AFG3L2: variants seen among roughly 807,000 people sequenced by gnomAD.
The protein encoded by AFG3L2 is AFG3 like matrix AAA peptidase subunit 2.
Under a neutral mutation model 94.5 loss-of-function variants are expected in AFG3L2, and 54 were observed. The ratio of observed to expected loss-of-function variants is 0.57; its 90% CI spans 0.46 to 0.72. The LOEUF is 0.72. AFG3L2 is among the 30% of genes least tolerant of loss of function. The probability of loss-of-function intolerance (pLI) is 0.00; values close to 1 mark genes in which losing one functional copy is unlikely to be tolerated. For missense variants in AFG3L2, 754 were observed against 994.9 expected (o/e 0.76, Z 3.26); for synonymous variants, 377 against 365.5 (o/e 1.03, Z -0.36).
Position 12,329,374 on chromosome 18 carries a change from C to T in AFG3L2, c.*191G>A, listed in dbSNP as rs925546906. 1.2e-5 allele frequency: 8 copies of T among 688,380 alleles called. No homozygotes were observed. The highest frequency in any genetic ancestry group is 2.7e-5 in the East Asian group (1 of 37,096). 42.6% of individuals were successfully genotyped at this position (688,380 alleles called of 1,614,324 possible). On this transcript the variant is annotated 3_prime_UTR_variant, in exon 17 of 17. Transcript: ENST00000269143. Reference sequence around the variant, plus strand: ...CAGTGTGCATTTCCCTCAAGGCCTCCGGAAAGTCACCTGCCACCCACTGTG... The same window carrying T: ...CAGTGTGCATTTCCCTCAAGGCCTCTGGAAAGTCACCTGCCACCCACTGTG...
intron 13 of AFG3L2, among the ~76,000 whole-genome samples, chr18:12,344,485 G>A (rs527568860): frequency 6.6e-5 from 10 of 151,976 alleles, no homozygotes; most frequent in Non-Finnish European, 8.8e-5. Context: ...GACCAGCCTG[G>A]CCAACATGGT....
At chr18:12,368,937 C>T (rs1341334402) in intron 3 of AFG3L2, among the ~76,000 whole-genome samples, 1 of 152,074 alleles carries the variant, frequency 6.6e-6, no homozygotes, top group African/African-American at 2.4e-5. Flanking sequence ...GACCATGAAG[C>T]AACCCCTCTA....
rs1265512308 is a variant in AFG3L2, at chr18:12,376,973, C to A, written c.110G>T (p.Arg37Leu). The A allele has an allele frequency of 1.4e-6, 2 of 1,456,960 alleles. No homozygotes were observed. The highest frequency in any genetic ancestry group is 1.5e-5 in the African/African-American group (1 of 67,836). The allele number at this position is 1,456,960 out of a possible 1,614,324, so 90.3% of individuals were successfully genotyped here. Residue 37 changes from arginine to leucine, a missense_variant, in exon 1 of 17, where the codon CGG (arginine) becomes CTG (leucine). By Grantham distance (102) the Arg-to-Leu change is moderately radical. Coordinates refer to ENST00000269143, the MANE Select transcript of AFG3L2 (RefSeq NM_006796.3). Reference sequence around the variant, plus strand: ...GGGCGCCCAGGTAGGACTCACCGTCCGGAGGCAGGGCTGCTCGCCCGGGCC... The same window carrying A: ...GGGCGCCCAGGTAGGACTCACCGTCAGGAGGCAGGGCTGCTCGCCCGGGCC... Reference protein sequence around the residue: ...GVGPGEQPCLRTLYRFVTTQA... With the variant: ...GVGPGEQPCLLTLYRFVTTQA...
At chr18:12,345,160 G>C (rs1908093603) in intron 13 of AFG3L2, among the ~76,000 whole-genome samples, 1 of 152,210 alleles carries the variant, frequency 6.6e-6, no homozygotes, top group Non-Finnish European at 1.5e-5. Context: ...CTATGGCTCA[G>C]AGCAAGCCAC....
chr18:12,346,147 C>G (rs1908128112), intron 13 of AFG3L2, among the ~76,000 whole-genome samples: 1 of 152,204 alleles, frequency 6.6e-6, no homozygotes, highest in African/African-American at 2.4e-5. Context: ...ACTGGCACAT[C>G]TTCCTCGCTT....
intron 16 of AFG3L2, among the ~76,000 whole-genome samples, chr18:12,333,001 A>C (rs1425631745): frequency 1.2e-4 from 5 of 43,044 alleles, no homozygotes; most frequent in African/African-American, 2.4e-4. Context: ...TATAAATTAT[A>C]TATAATATAA....
At chr18:12,365,871 C>CTCT (rs1555672910) in intron 5 of AFG3L2, among the ~76,000 whole-genome samples, 5 of 113,836 alleles carry the variant, frequency 4.4e-5, no homozygotes, top group African/African-American at 1.8e-4. Context: ...TGCATCAATT[C>CTCT]TTTTTTTTTT....
At chr18:12,334,908 T>C (rs1219993569) in intron 16 of AFG3L2, among the ~76,000 whole-genome samples, 1 of 152,236 alleles carries the variant, frequency 6.6e-6, no homozygotes, top group African/African-American at 2.4e-5. Flanking sequence ...GCTGTGTGCC[T>C]CAACTTTCTA....
intron 13 of AFG3L2, among the ~76,000 whole-genome samples, chr18:12,345,278 G>A (rs537279248): frequency 2.6e-4 from 39 of 152,346 alleles, no homozygotes; most frequent in South Asian, 1.9e-3. Flanking sequence ...TAGTCTGAGC[G>A]TGATTCTTCT....
chr18:12,348,257 T>C lies in AFG3L2; in HGVS notation c.1663+16A>G, dbSNP rs1400211799. The C allele has an allele frequency of 2.5e-6, 4 of 1,591,942 alleles. No homozygotes were observed. Among genetic ancestry groups the C allele is most frequent in the African/African-American group, 2.7e-5 (2 of 74,444 alleles). ...TTTATCAGCCTTTCCACTTGAGTTA[T>C]GTTCAGTTTCCTTACCACCAATCAC... On this transcript the variant is annotated intron_variant, in intron 13 of 16. Coordinates refer to ENST00000269143, the MANE Select transcript of AFG3L2 (RefSeq NM_006796.3).
Position 12,340,366 on chromosome 18 carries a change from A to G in AFG3L2, c.1815T>C (p.Tyr605=). Residue 605 remains tyrosine, a synonymous_variant, in exon 15 of 17, where the codon TAT becomes TAC. Transcript: ENST00000269143. The part of the protein sequence containing the change: ...SIIPRGKGLG[Y]AQYLPKEQYL... ...ATTGTTCTTTTGGTAAATACTGAGC[A>G]TAACCTAGTCCTTTGCCACGTGGGA... 1 of 1,614,194 alleles carries G rather than the reference A, an allele frequency of 6.2e-7. No individual in the cohort carries two copies. The highest frequency in any genetic ancestry group is 1.3e-5 in the African/African-American group (1 of 75,066).
At chr18:12,355,069 T>A (rs1191398454) in intron 9 of AFG3L2, among the ~76,000 whole-genome samples, 1 of 151,754 alleles carries the variant, frequency 6.6e-6, no homozygotes, top group Non-Finnish European at 1.5e-5. Context: ...AATACAAAAA[T>A]TAGCTGGGCA....
At chr18:12,337,216 C>T (rs769918816) in intron 16 of AFG3L2, 125 bp downstream of exon 16, 7 of 859,054 alleles carry the variant, frequency 8.1e-6, no homozygotes, top group African/African-American at 3.3e-5. Context: ...TCAGAACGAA[C>T]GGACCCATGG....
chr18:12,362,562 T>G (rs1344442314), intron 6 of AFG3L2, among the ~76,000 whole-genome samples: 2 of 152,166 alleles, frequency 1.3e-5, no homozygotes, highest in East Asian at 3.9e-4. Context: ...GCACTTTATA[T>G]ACAATGGTAT....
intron 15 of AFG3L2, 79 bp downstream of exon 15, chr18:12,340,122 T>C: frequency 1.5e-6 from 2 of 1,306,230 alleles, no homozygotes. Flanking sequence ...CTATATTGTT[T>C]CAGAGCCATT....
rs113905513 is a variant in AFG3L2, at chr18:12,370,755, G to A, written c.292+94C>T. On this transcript the variant is annotated intron_variant, in intron 3 of 16. Transcript: ENST00000269143. Reference sequence around the variant, plus strand: ...ATTACAGGCGTGAGACACTGTGCCCGGCCTGATAACTCTTTTCTTTGTTCA... The same window carrying A: ...ATTACAGGCGTGAGACACTGTGCCCAGCCTGATAACTCTTTTCTTTGTTCA... The A allele has an allele frequency of 7.8e-3, 6,843 of 879,966 alleles. 321 individuals carry two copies. In the African/African-American group the frequency reaches 0.1, roughly 13 times the overall value. The allele number at this position is 879,966 out of a possible 1,614,324, so 54.5% of individuals were successfully genotyped here.
intron 16 of AFG3L2, among the ~76,000 whole-genome samples, chr18:12,330,021 G>A (rs377646507): frequency 5.7e-4 from 86 of 151,218 alleles, no homozygotes; most frequent in African/African-American, 1.2e-3. Context: ...TCTGCACAAT[G>A]AATGCTGACC....
chr18:12,358,993 C>A (rs2143192947), intron 7 of AFG3L2, 50 bp from the exon 8 acceptor site: 2 of 1,576,316 alleles, frequency 1.3e-6, no homozygotes, highest in Non-Finnish European at 8.6e-7. Context: ...TCACCTCCAG[C>A]TTTCACATGT....
At chr18:12,362,840 T>C (rs562274077) in intron 6 of AFG3L2, among the ~76,000 whole-genome samples, 1 of 152,328 alleles carries the variant, frequency 6.6e-6, no homozygotes, top group African/African-American at 2.4e-5. Context: ...GCTTCCCTCC[T>C]AGAAGCAGAG....
Sources: allele counts gnomAD v4.1 joint callset (sites outside exome capture counted in the v4.1 genomes callset), GRCh38; gene constraint gnomAD v4.1.1; transcripts MANE v1.5; gene names NCBI Gene and HGNC (gene_info 2026-07-23, HGNC 2026-07-21).